SREK1: variants seen among roughly 807,000 people sequenced by gnomAD.
SREK1 encodes the protein splicing regulatory glutamic acid and lysine rich protein 1.
Under a neutral mutation model 66.5 loss-of-function variants are expected in SREK1, and 13 were observed. The observed-to-expected ratio is 0.20, with a 90% CI of 0.13 to 0.31. SREK1 has a LOEUF of 0.31. Among genes scored for constraint, SREK1 ranks in the 10% least tolerant of loss-of-function variants. The pLI, the probability that SREK1 is intolerant of heterozygous loss-of-function variation, is 1.00. For missense variants in SREK1, 607 were observed against 769.6 expected (o/e 0.79, Z 2.50); for synonymous variants, 265 against 263.5 (o/e 1.01, Z -0.05).
intron 6 of SREK1, chr5:66,164,509 T>C: frequency 1.6e-6 from 2 of 1,221,290 alleles, no homozygotes; most frequent in Non-Finnish European, 2.2e-6. Flanking sequence ...AAAATCACTG[T>C]CACAGGAATT....
chr5:66,146,286 G>T (rs972590733), intron 1 of SREK1, among the ~76,000 whole-genome samples: 13 of 152,072 alleles, frequency 8.5e-5, no homozygotes, highest in Admixed American at 3.3e-4. Flanking sequence ...CAAGGCTGTG[G>T]TAATAAGGTA....
At chr5:66,164,563 A>T in intron 6 of SREK1, 1 of 1,485,554 alleles carries the variant, frequency 6.7e-7, no homozygotes, top group Non-Finnish European at 9.0e-7. Flanking sequence ...ACAAAATATT[A>T]CGAACAGCTG....
rs940458243 is a variant in SREK1, at chr5:66,157,484, G to A, written c.296-1735G>A. 5 of 985,078 alleles carry A rather than the reference G, an allele frequency of 5.1e-6. No individual in the cohort carries two copies. The African/African-American group carries it at 7.0e-5, about 14-fold the overall frequency. 61.0% of individuals were successfully genotyped at this position (985,078 alleles called of 1,614,324 possible). A position where few individuals can be genotyped will look rare whatever the true frequency, so the allele number is the denominator to read the frequency against. On this transcript the variant is annotated intron_variant, in intron 2 of 11. Transcript: ENST00000334121. ...CTCAAAACCTCAATTTATCAAGAAT[G>A]TTCAGGTTTTACAAACCTTTTGAGA...
rs141805866 is a variant in SREK1 at position 66,171,435 on chromosome 5, G to A, written c.1484+488G>A. ...GTGTTTTATTTTGTCAGTTTTAAGG[G>A]TTAGAGTTTTTCCTTAGGACCGTGA... On this transcript the variant is annotated intron_variant, in intron 9 of 11. Transcript: ENST00000334121. Among the ~76,000 whole-genome samples the A allele has an allele frequency of 6.0e-3, 917 of 152,166 alleles. 8 individuals are homozygous for A. Among genetic ancestry groups the A allele is most frequent in the African/African-American group, 0.021 (864 of 41,504 alleles).
intron 7 of SREK1, chr5:66,165,176 T>C: frequency 4.0e-6 from 1 of 248,298 alleles, no homozygotes. Context: ...AAGAGTAAAC[T>C]AGTCTTTATA....
At chr5:66,157,307 A>C in intron 2 of SREK1, 2 of 984,266 alleles carry the variant, frequency 2.0e-6, no homozygotes, top group East Asian at 2.3e-4. Flanking sequence ...AGTGTTGAAT[A>C]CCCTTTTTGT....
intron 1 of SREK1, among the ~76,000 whole-genome samples, chr5:66,148,468 G>A (rs956349082): frequency 6.6e-6 from 1 of 152,112 alleles, no homozygotes; most frequent in African/African-American, 2.4e-5. Flanking sequence ...TGGTTTCTGC[G>A]TGTACTACCC....
chr5:66,177,522 A>G lies in SREK1; in HGVS notation c.1589A>G (p.Lys530Arg). 1.9e-6 allele frequency: 3 copies of G among 1,588,136 alleles called. No individual in the cohort carries two copies. Among genetic ancestry groups the G allele is most frequent in the Non-Finnish European group, 1.7e-6 (2 of 1,169,300 alleles). ...TATCAATATTCTTATAGCAGAAATAAGAAGGATAAAAAGAGAGAAAAAGAA... is the reference window on the plus strand; with the variant it reads ...TATCAATATTCTTATAGCAGAAATAGGAAGGATAAAAAGAGAGAAAAAGAA... ...SRSPSPRSRN[K>R]KDKKREKERD... Residue 530 changes from lysine (K) to arginine (R), a missense_variant, in exon 11 of 12, where the codon AAG (lysine) becomes AGG (arginine). Coordinates refer to ENST00000334121, the MANE Select transcript of SREK1 (RefSeq NM_001077199.3).
intron 5 of SREK1, chr5:66,162,798 C>T (rs895288707): frequency 2.0e-6 from 1 of 490,748 alleles, no homozygotes; most frequent in Non-Finnish European, 3.5e-6. Context: ...TTCTCATTTT[C>T]TGTTTTCTAG....
chr5:66,162,965 G>C (rs1231048057), intron 5 of SREK1: 1 of 157,902 alleles, frequency 6.3e-6, no homozygotes, highest in Non-Finnish European at 1.4e-5. Flanking sequence ...AGTAACAACT[G>C]TGGTAAATTC....
chr5:66,169,208 C>T (rs1745415098), intron 7 of SREK1: 1 of 152,242 alleles, frequency 6.6e-6, no homozygotes, highest in African/African-American at 2.4e-5. Context: ...GGGGCCTAGT[C>T]CAAATTGGAA....
In SREK1 at chr5:66,163,853, A is replaced by G; in HGVS notation, c.817A>G (p.Lys273Glu). Residue 273 changes from lysine (K) to glutamate (E), a missense_variant, in exon 6 of 12, where the codon AAG (lysine) becomes GAG (glutamate). Lys to Glu is a moderately conservative substitution (Grantham distance 56). Around this residue, in one of 5 missense-constraint regions of SREK1, gnomAD observed 112 missense variants for 168.6 expected, o/e 0.66. Transcript: ENST00000334121. Reference sequence around the variant, plus strand: ...TGAGATGACACCTCAGGCTGCAGCTAAGGAGTTAGAAGAAGTAATGAAGCG... The same window carrying G: ...TGAGATGACACCTCAGGCTGCAGCTGAGGAGTTAGAAGAAGTAATGAAGCG... ...PPEMTPQAAA[K>E]ELEEVMKRVR... 1 of 1,613,780 alleles carries G rather than the reference A, an allele frequency of 6.2e-7. No homozygotes were observed. The highest frequency in any genetic ancestry group is 1.7e-5 in the Admixed American group (1 of 60,024).
chr5:66,146,704 C>T (rs1057333305), intron 1 of SREK1, among the ~76,000 whole-genome samples: 4 of 151,416 alleles, frequency 2.6e-5, no homozygotes, highest in African/African-American at 9.7e-5. Flanking sequence ...TATTAGAAGA[C>T]GTGTTTGCAA....
rs575263386 is a variant in SREK1 at position 66,151,471 on chromosome 5, C to T, written c.162-1992C>T. ...GGTCACACTAGTGACTCCTAGGTTT[C>T]GGACTTGGGTAGTATGATATCTTTT... On this transcript the variant is annotated intron_variant, in intron 1 of 11. Transcript: ENST00000334121. Among the ~76,000 whole-genome samples, 113 of 152,274 alleles carry T rather than the reference C, an allele frequency of 7.4e-4. 1 individual carries two copies. The highest frequency in any genetic ancestry group is 3.4e-3 in the Middle Eastern group (1 of 294).
At chr5:66,156,376 A>G (rs1744285589) in intron 2 of SREK1, 12 of 1,197,994 alleles carry the variant, frequency 1.0e-5, no homozygotes, top group African/African-American at 3.2e-5. Context: ...CGTGTTGCAA[A>G]TTATATTGGG....
In SREK1 at chr5:66,182,561, T is replaced by G. The variant is rs1284949542; in HGVS notation, c.*3693T>G. On this transcript the variant is annotated 3_prime_UTR_variant, in exon 12 of 12. Transcript: ENST00000334121. ...TGGTTTTGCCTGAAGAGTAATACATTATTATTATTACTTTTCTTTTTGAGA... is the reference window on the plus strand; with the variant it reads ...TGGTTTTGCCTGAAGAGTAATACATGATTATTATTACTTTTCTTTTTGAGA... 1 of 152,042 alleles carries G rather than the reference T, an allele frequency of 6.6e-6. No individual in the cohort carries two copies. Among genetic ancestry groups the G allele is most frequent in the Admixed American group, 6.6e-5 (1 of 15,252 alleles). The allele number at this position is 152,042 out of a possible 1,614,324, so 9.4% of individuals were successfully genotyped here. A position where few individuals can be genotyped will look rare whatever the true frequency, so the allele number is the denominator to read the frequency against.
Position 66,170,078 on chromosome 5 carries a change from A to G in SREK1, c.1029A>G (p.Ser343=). Residue 343 remains serine, a synonymous_variant, in exon 8 of 12, where the codon TCA becomes TCG. Transcript: ENST00000334121. ...GTAGATCCCATAATAGATCACGTTC[A>G]AGACAGAAAGACAGACGTAGATCTA... ...HRSRSHNRSR[S]RQKDRRRSKS... is the part of the protein sequence containing the mutation. 8 of 1,610,260 alleles carry G rather than the reference A, an allele frequency of 5.0e-6. No homozygotes were observed. The highest frequency in any genetic ancestry group is 6.8e-6 in the Non-Finnish European group (8 of 1,178,016).
Position 66,181,988 on chromosome 5 carries a change from AT to A in SREK1, c.*3124del, listed in dbSNP as rs1342608936. ...TTCCTATGTCTATGTTGCTATCTTT[AT>A]TTTAAAACTTAGAACCCTGATCTAA... On this transcript the variant is annotated 3_prime_UTR_variant, in exon 12 of 12. Transcript: ENST00000334121. 1 of 140,572 alleles carries A rather than the reference AT, an allele frequency of 7.1e-6. No individual in the cohort carries two copies. Among genetic ancestry groups the A allele is most frequent in the Non-Finnish European group, 1.6e-5 (1 of 64,266 alleles). The allele number at this position is 140,572 out of a possible 1,614,324, so 8.7% of individuals were successfully genotyped here.
intron 2 of SREK1, among the ~76,000 whole-genome samples, chr5:66,155,805 C>A (rs1744236455): frequency 6.6e-6 from 1 of 152,160 alleles, no homozygotes; most frequent in African/African-American, 2.4e-5. Context: ...TAAGCCTTAG[C>A]CTTTGTTAAT....
Sources: gnomAD v4.1 joint callset for allele counts (sites outside exome capture counted in the v4.1 genomes callset) on GRCh38, gnomAD v4.1.1 for gene constraint, gnomAD v4.1.1 regional missense constraint, MANE v1.5 for transcripts, NCBI Gene and HGNC (gene_info 2026-07-23, HGNC 2026-07-21) for gene names.